The following SLC25A21 variants were observed in gnomAD, a reference collection of about 807,000 sequenced individuals.
SLC25A21 encodes mitochondrial 2-oxodicarboxylate carrier.
A neutral mutation model predicts 43.8 loss-of-function variants in SLC25A21; 47 were observed. The observed-to-expected ratio is 1.07, with a 90% CI of 0.85 to 1.37. The LOEUF (loss-of-function observed/expected upper bound fraction) is 1.37, where lower values mean the gene tolerates loss of function less well. Ranked by LOEUF, SLC25A21 falls within the 40% of genes most tolerant of loss-of-function variation. SLC25A21 has a pLI of 0.00. For synonymous variants in SLC25A21, 131 were observed against 121.3 expected (o/e 1.08, Z -0.52); for missense variants, 352 against 350.2 (o/e 1.00, Z -0.04).
At chr14:36,803,753 T>C (rs568281080) in intron 3 of SLC25A21, among the ~76,000 whole-genome samples, 2 of 152,306 alleles carry the variant, frequency 1.3e-5, no homozygotes, top group East Asian at 1.9e-4. Flanking sequence ...ACTATATCTT[T>C]ACATACATTG....
chr14:36,876,321 T>C (rs74404194), intron 1 of SLC25A21, among the ~76,000 whole-genome samples: 7,513 of 152,272 alleles, frequency 0.049, 409 homozygotes, highest in East Asian at 0.12. Flanking sequence ...TCCCTGCATA[T>C]GCCTGCTCTA....
chr14:36,863,874 G>A (rs1166143378), intron 2 of SLC25A21, among the ~76,000 whole-genome samples: 2 of 152,222 alleles, frequency 1.3e-5, no homozygotes, highest in Non-Finnish European at 2.9e-5. Context: ...TATTCAGTGG[G>A]AGGACCTCCA....
chr14:36,726,084 C>T (rs1362915541), intron 5 of SLC25A21, among the ~76,000 whole-genome samples: 1 of 152,112 alleles, frequency 6.6e-6, no homozygotes, highest in Non-Finnish European at 1.5e-5. Flanking sequence ...TATAAGAAAT[C>T]CAAGGAGCAC....
chr14:37,040,415 GAAAGAAAGAAAGAAAGAAAGAAAGA>G lies in SLC25A21; in HGVS notation c.70+131841_70+131865del, dbSNP rs1961442938. On this transcript the variant is annotated intron_variant, in intron 1 of 9. Coordinates refer to ENST00000331299, the MANE Select transcript of SLC25A21 (RefSeq NM_030631.4). The stretch of plus-strand genomic sequence containing the variant: ...AGAAAGAAAGAAAGAAAGAAAGAAA[GAAAGAAAGAAAGAAAGAAAGAAAGA>G]AAAGAAAAATTAGTTACAGGGTGAG... Among the ~76,000 whole-genome samples, 5 of 98,932 alleles carry G rather than the reference GAAAGAAAGAAAGAAAGAAAGAAAGA, an allele frequency of 5.1e-5. 1 individual carries two copies. Among genetic ancestry groups the G allele is most frequent in the African/African-American group, 8.1e-5 (1 of 12,310 alleles). The allele number at this position is 98,932 out of a possible 152,430, so 64.9% of individuals were successfully genotyped here.
At chr14:36,686,906 G>A (rs78744774) in intron 7 of SLC25A21, among the ~76,000 whole-genome samples, 2,456 of 152,256 alleles carry the variant, frequency 0.016, 70 homozygotes, top group African/African-American at 0.057. Flanking sequence ...AGGTCTCCAG[G>A]CCATCGTATC....
chr14:37,074,468 C>T (rs1962238717), intron 1 of SLC25A21, among the ~76,000 whole-genome samples: 1 of 152,204 alleles, frequency 6.6e-6, no homozygotes, highest in Non-Finnish European at 1.5e-5. Flanking sequence ...ATTCTAAGAA[C>T]TTAATCAACT....
At chr14:36,771,548 T>C (rs1015581609) in intron 3 of SLC25A21, among the ~76,000 whole-genome samples, 5 of 152,236 alleles carry the variant, frequency 3.3e-5, no homozygotes, top group Non-Finnish European at 5.9e-5. Context: ...GACGCTCTTG[T>C]GCAAAAAGCC....
At chr14:36,981,414 A>G (rs1427665013) in intron 1 of SLC25A21, among the ~76,000 whole-genome samples, 1 of 152,210 alleles carries the variant, frequency 6.6e-6, no homozygotes, top group African/African-American at 2.4e-5. Flanking sequence ...CACTATTCAC[A>G]ATAGCAAAGA....
intron 1 of SLC25A21, among the ~76,000 whole-genome samples, chr14:37,093,149 T>C (rs1395542716): frequency 6.6e-6 from 1 of 152,200 alleles, no homozygotes; most frequent in East Asian, 1.9e-4. Flanking sequence ...GCTGCTATCA[T>C]ATTGCTGCCC....
intron 1 of SLC25A21, among the ~76,000 whole-genome samples, chr14:36,934,021 T>C (rs1476015535): frequency 6.6e-6 from 1 of 152,152 alleles, no homozygotes; most frequent in Non-Finnish European, 1.5e-5. Flanking sequence ...GACTACAGAC[T>C]AGCTTTCAGT....
intron 1 of SLC25A21, among the ~76,000 whole-genome samples, chr14:37,122,175 T>C (rs1447813561): frequency 6.6e-6 from 1 of 152,224 alleles, no homozygotes; most frequent in Non-Finnish European, 1.5e-5. Context: ...AGGACTAATG[T>C]CCTACCAAAC....
chr14:36,811,834 A>T (rs1439561197), intron 3 of SLC25A21, among the ~76,000 whole-genome samples: 3 of 152,244 alleles, frequency 2.0e-5, no homozygotes, highest in Non-Finnish European at 2.9e-5. Context: ...TTGTAATGTA[A>T]AAAACTACCA....
chr14:36,856,211 T>C (rs1889892554), intron 2 of SLC25A21, among the ~76,000 whole-genome samples: 2 of 152,188 alleles, frequency 1.3e-5, no homozygotes, highest in South Asian at 4.1e-4. Flanking sequence ...TGTTTACTGA[T>C]TGGTGACTGA....
At position 37,015,412 on chromosome 14, in the gene SLC25A21, A is replaced by G. The variant is rs371923429; in HGVS notation, c.71-140408T>C. Among the ~76,000 whole-genome samples, 104 of 151,912 alleles carry G rather than the reference A, an allele frequency of 6.8e-4. 1 individual carries two copies. Among genetic ancestry groups the G allele is most frequent in the East Asian group, 5.6e-3 (29 of 5,150 alleles). ...CTGCATAGTATTCCATGGTGTATAT[A>G]TGCCACATTTTCTTAATCCAGTCTA... On this transcript the variant is annotated intron_variant, in intron 1 of 9. Coordinates refer to ENST00000331299, the MANE Select transcript of SLC25A21 (RefSeq NM_030631.4).
chr14:37,028,209 C>CT (rs999706459), intron 1 of SLC25A21, among the ~76,000 whole-genome samples: 1 of 151,668 alleles, frequency 6.6e-6, no homozygotes, highest in South Asian at 2.1e-4. Flanking sequence ...CAGTGTAAAT[C>CT]TTTTTTTTAA....
At chr14:37,094,799 G>C (rs1962654591) in intron 1 of SLC25A21, among the ~76,000 whole-genome samples, 1 of 151,476 alleles carries the variant, frequency 6.6e-6, no homozygotes, top group Admixed American at 6.6e-5. Flanking sequence ...AATAAACTAT[G>C]GTATATGGTA....
rs543925676 is a variant in SLC25A21 at position 36,943,529 on chromosome 14, G to A, written c.71-68525C>T. ...TTGTATCATGTCTTAGACATGTAGGGGTTTATTTCAGAGCACACAAATGAA... is the reference window on the plus strand; with the variant it reads ...TTGTATCATGTCTTAGACATGTAGGAGTTTATTTCAGAGCACACAAATGAA... On this transcript the variant is annotated intron_variant, in intron 1 of 9. Coordinates refer to ENST00000331299, the MANE Select transcript of SLC25A21 (RefSeq NM_030631.4). Among the ~76,000 whole-genome samples, 9 of 152,194 alleles carry A rather than the reference G, an allele frequency of 5.9e-5. No homozygotes were observed. The East Asian group carries it at 1.7e-3, about 29-fold the overall frequency.
chr14:36,933,431 G>A (rs115055871), intron 1 of SLC25A21, among the ~76,000 whole-genome samples: 1,701 of 152,158 alleles, frequency 0.011, 22 homozygotes, highest in African/African-American at 0.037. Context: ...GATGCATGCC[G>A]GCTTCAACAG....
chr14:36,814,205 A>G (rs1888371840), intron 2 of SLC25A21, among the ~76,000 whole-genome samples: 1 of 152,222 alleles, frequency 6.6e-6, no homozygotes, highest in African/African-American at 2.4e-5. Context: ...AATTTAATGA[A>G]ATCTATAGAA....
Sources: allele counts gnomAD v4.1 joint callset (sites outside exome capture counted in the v4.1 genomes callset), GRCh38; gene constraint gnomAD v4.1.1; transcripts MANE v1.5; gene names NCBI Gene and HGNC (gene_info 2026-07-23, HGNC 2026-07-21).